The following WDR72 variants were observed in gnomAD, a reference collection of about 807,000 sequenced individuals.
The protein encoded by WDR72 is WD repeat domain 72, also known as WD repeat-containing protein 72.
WDR72 carries 120 observed loss-of-function variants against 124.2 expected under a neutral mutation model. The ratio of observed to expected loss-of-function variants is 0.97; its 90% CI spans 0.83 to 1.12. WDR72 has a LOEUF of 1.12. Ranked by LOEUF, WDR72 falls within the 50% of genes most tolerant of loss-of-function variation. The pLI, the probability that WDR72 is intolerant of heterozygous loss-of-function variation, is 0.00. For synonymous variants in WDR72, 452 were observed against 441.7 expected (o/e 1.02, Z -0.29); for missense variants, 1,387 against 1,278.8 (o/e 1.08, Z -1.29).
chr15:53,567,860 A>T (rs1344932102), intron 18 of WDR72, among the ~76,000 whole-genome samples: 2 of 151,620 alleles, frequency 1.3e-5, no homozygotes, highest in Non-Finnish European at 2.9e-5. Context: ...ATTAAACCAA[A>T]TTTTTTATTT....
chr15:53,706,373 T>TAC (rs1379101453), intron 9 of WDR72, among the ~76,000 whole-genome samples: 2 of 67,336 alleles, frequency 3.0e-5, no homozygotes, highest in African/African-American at 1.2e-4. Context: ...TATATATATA[T>TAC]ATATATATAT....
chr15:53,587,436 A>ATTATATATTATATATATAT lies in WDR72; in HGVS notation c.3148+9642_3148+9643insATATATATATAATATATAA, dbSNP rs1160022521. 1.3e-4 allele frequency among the ~76,000 whole-genome samples: 20 copies of ATTATATATTATATATATAT among 152,072 alleles called. 1 individual carries two copies. The highest frequency in any genetic ancestry group is 1.2e-3 in the Admixed American group (18 of 15,256). ...CAATAGCAGTGGTCTTATGTATACC[A>ATTATATATTATATATATAT]CAGCATATTATATAACAGTATGTTA... On this transcript the variant is annotated intron_variant, in intron 18 of 19. Coordinates refer to ENST00000360509, the MANE Select transcript of WDR72 (RefSeq NM_182758.4).
chr15:53,536,041 C>G (rs1348910302), intron 18 of WDR72, among the ~76,000 whole-genome samples: 1 of 152,160 alleles, frequency 6.6e-6, no homozygotes, highest in African/African-American at 2.4e-5. Context: ...GAAAACAGTT[C>G]ACAGATTGAG....
intron 14 of WDR72, among the ~76,000 whole-genome samples, chr15:53,626,124 T>TGGGCAGCTTCCAAAATAGCGGC (rs1378412948): frequency 1.3e-5 from 2 of 152,156 alleles, no homozygotes; most frequent in African/African-American, 2.4e-5. Context: ...AAGATGGTGG[T>TGGGCAGCTTCCAAAATAGCGGC]GGGCAGCTTC....
intron 18 of WDR72, among the ~76,000 whole-genome samples, chr15:53,592,142 A>G (rs1474118606): frequency 1.3e-5 from 2 of 151,928 alleles, no homozygotes; most frequent in African/African-American, 4.8e-5. Flanking sequence ...GATTTCCCAC[A>G]CCACACTAGA....
chr15:53,664,223 T>C (rs2015702884), intron 14 of WDR72, among the ~76,000 whole-genome samples: 1 of 152,192 alleles, frequency 6.6e-6, no homozygotes, highest in African/African-American at 2.4e-5. Flanking sequence ...CAAGGCACCC[T>C]GTATTACAAT....
intron 18 of WDR72, among the ~76,000 whole-genome samples, chr15:53,555,866 G>A (rs543623509): frequency 2.0e-4 from 30 of 152,114 alleles, no homozygotes; most frequent in South Asian, 6.2e-4. Flanking sequence ...AGAAGAAAGG[G>A]CTATTAATTT....
At chr15:53,685,660 T>A (rs532307449) in intron 13 of WDR72, among the ~76,000 whole-genome samples, 1 of 151,048 alleles carries the variant, frequency 6.6e-6, no homozygotes, top group African/African-American at 2.4e-5. Flanking sequence ...CAGGAGAACT[T>A]CCCCAATCTA....
At chr15:53,662,910 C>T (rs1011240133) in intron 14 of WDR72, among the ~76,000 whole-genome samples, 10 of 151,714 alleles carry the variant, frequency 6.6e-5, no homozygotes, top group Non-Finnish European at 1.2e-4. Context: ...AATAGAAAAA[C>T]TTTTTAAATT....
intron 16 of WDR72, among the ~76,000 whole-genome samples, chr15:53,609,843 T>C (rs1044946416): frequency 2.1e-4 from 31 of 150,114 alleles, no homozygotes; most frequent in African/African-American, 7.6e-4. Context: ...TGTACATTTA[T>C]ACACACACAC....
chr15:53,645,321 G>A (rs690610), intron 14 of WDR72, among the ~76,000 whole-genome samples: 13,858 of 152,178 alleles, frequency 0.091, 1,610 homozygotes, highest in African/African-American at 0.28. Flanking sequence ...CAGGCTTCAA[G>A]CTGGTTTATG....
At chr15:53,614,922 C>G (rs1248037707) in intron 15 of WDR72, among the ~76,000 whole-genome samples, 1 of 151,950 alleles carries the variant, frequency 6.6e-6, no homozygotes, top group African/African-American at 2.4e-5. Flanking sequence ...CTATTTTATT[C>G]TATTTTAATA....
chr15:53,516,787 G>A lies in WDR72; in HGVS notation c.*912C>T, dbSNP rs193109904. On this transcript the variant is annotated 3_prime_UTR_variant, in exon 20 of 20. Transcript: ENST00000360509. ...TAATTTTGATGATTTTCTGTAAATCGAGGAACTGTACAATATAAATCATAG... is the reference window on the plus strand; with the variant it reads ...TAATTTTGATGATTTTCTGTAAATCAAGGAACTGTACAATATAAATCATAG... The A allele has an allele frequency of 9.2e-5, 14 of 152,062 alleles. No individual in the cohort carries two copies. In the East Asian group the frequency reaches 2.1e-3, roughly 23 times the overall value. 9.4% of individuals were successfully genotyped at this position (152,062 alleles called of 1,614,324 possible). A position where few individuals can be genotyped will look rare whatever the true frequency, so the allele number is the denominator to read the frequency against.
intron 14 of WDR72, among the ~76,000 whole-genome samples, chr15:53,620,356 C>T (rs1382753873): frequency 6.6e-6 from 1 of 151,854 alleles, no homozygotes; most frequent in African/African-American, 2.4e-5. Flanking sequence ...ATCCCATTTT[C>T]TATAAAATTG....
At chr15:53,629,203 A>G (rs550379518) in intron 14 of WDR72, among the ~76,000 whole-genome samples, 1 of 151,150 alleles carries the variant, frequency 6.6e-6, no homozygotes, top group East Asian at 1.9e-4. Context: ...AGAGAGAGAG[A>G]GAGAGAGAGT....
chr15:53,757,000 T>C (rs1041914983), intron 1 of WDR72, among the ~76,000 whole-genome samples: 5 of 152,166 alleles, frequency 3.3e-5, no homozygotes, highest in Admixed American at 3.3e-4. Context: ...AAAATTTGCA[T>C]TTTTTAGAAA....
chr15:53,522,204 A>G (rs977095865), intron 19 of WDR72, among the ~76,000 whole-genome samples: 2 of 152,148 alleles, frequency 1.3e-5, no homozygotes, highest in Admixed American at 1.3e-4. Flanking sequence ...TGAAAATTAA[A>G]TCTCAGTAAC....
intron 14 of WDR72, among the ~76,000 whole-genome samples, chr15:53,654,512 C>T (rs759329226): frequency 2.6e-5 from 4 of 152,256 alleles, no homozygotes; most frequent in East Asian, 1.9e-4. Flanking sequence ...AATTAATGGA[C>T]GTAGAACATT....
At chr15:53,591,681 ACACAACACACACAC>A (rs1347436372) in intron 18 of WDR72, among the ~76,000 whole-genome samples, 1 of 131,032 alleles carries the variant, frequency 7.6e-6, no homozygotes, top group Non-Finnish European at 1.6e-5. Context: ...CATACAACAC[ACACAACACACACAC>A]ACACACACAC....
Sources: gnomAD v4.1 joint callset for allele counts (sites outside exome capture counted in the v4.1 genomes callset) on GRCh38, gnomAD v4.1.1 for gene constraint, MANE v1.5 for transcripts, NCBI Gene and HGNC (gene_info 2026-07-23, HGNC 2026-07-21) for gene names.